PIWIL3: variants seen among roughly 807,000 people sequenced by gnomAD.
The protein encoded by PIWIL3 is piwi-like protein 3.
Under a neutral mutation model 109.7 loss-of-function variants are expected in PIWIL3, and 101 were observed. The observed-to-expected ratio is 0.92, with a 90% CI of 0.78 to 1.09. PIWIL3 has a LOEUF of 1.09. PIWIL3 is among the 50% of genes least tolerant of loss of function. The pLI is 0.00. For synonymous variants in PIWIL3, 373 were observed against 376.4 expected (o/e 0.99, Z 0.10); for missense variants, 1,031 against 1,072.6 (o/e 0.96, Z 0.54).
chr22:24,734,027 T>A (rs1290354764), intron 14 of PIWIL3, 57 bp downstream of exon 14: 11 of 1,540,570 alleles, frequency 7.1e-6, no homozygotes, highest in Non-Finnish European at 9.6e-6. Flanking sequence ...AAAATACTTA[T>A]CAAGATGGTT....
chr22:24,764,078 C>T (rs890765833), intron 1 of PIWIL3, among the ~76,000 whole-genome samples: 5 of 152,214 alleles, frequency 3.3e-5, no homozygotes, highest in African/African-American at 1.2e-4. Context: ...GGGAAATACA[C>T]GGACCAGCCC....
intron 14 of PIWIL3, among the ~76,000 whole-genome samples, chr22:24,730,728 G>A (rs916226130): frequency 1.3e-5 from 2 of 152,120 alleles, no homozygotes; most frequent in East Asian, 3.8e-4. Flanking sequence ...GTTTAGATCG[G>A]ATTAATGCAT....
At chr22:24,772,715 G>A (rs1174122257) in intron 1 of PIWIL3, among the ~76,000 whole-genome samples, 1 of 121,530 alleles carries the variant, frequency 8.2e-6, no homozygotes, top group Non-Finnish European at 1.9e-5. Context: ...TAGAAATGGT[G>A]GTGCTTAGGT....
chr22:24,747,658 A>C (rs1209109117), intron 12 of PIWIL3, among the ~76,000 whole-genome samples: 1 of 152,238 alleles, frequency 6.6e-6, no homozygotes, highest in African/African-American at 2.4e-5. Flanking sequence ...TTCTGAAGAC[A>C]TACAAATAGC....
intron 14 of PIWIL3, among the ~76,000 whole-genome samples, chr22:24,733,327 T>C (rs1338802838): frequency 6.6e-6 from 1 of 151,574 alleles, no homozygotes; most frequent in African/African-American, 2.4e-5. Flanking sequence ...GTAATTCAGA[T>C]ACAACATAAT....
intron 14 of PIWIL3, 87 bp from the exon 15 acceptor site, chr22:24,728,461 G>A: frequency 6.7e-7 from 1 of 1,495,294 alleles, no homozygotes; most frequent in South Asian, 1.2e-5. Context: ...CAACTTAGGT[G>A]GAAGACTAAC....
intron 1 of PIWIL3, among the ~76,000 whole-genome samples, chr22:24,773,601 G>A (rs940839753): frequency 2.0e-5 from 3 of 151,832 alleles, no homozygotes; most frequent in Non-Finnish European, 2.9e-5. Context: ...TTATCATCAC[G>A]TCAGTTTTAA....
At chr22:24,764,140 C>T (rs1260652179) in intron 1 of PIWIL3, among the ~76,000 whole-genome samples, 1 of 152,240 alleles carries the variant, frequency 6.6e-6, no homozygotes, top group Non-Finnish European at 1.5e-5. Context: ...TCGCCCCCGC[C>T]CCAATTCAAT....
At chr22:24,760,215 T>C (rs1049164218) in intron 2 of PIWIL3, among the ~76,000 whole-genome samples, 1 of 152,020 alleles carries the variant, frequency 6.6e-6, no homozygotes, top group East Asian at 1.9e-4. Flanking sequence ...CAGGAATTAC[T>C]GGGAAGGTAG....
chr22:24,755,097 C>G (rs1924945557), intron 6 of PIWIL3, among the ~76,000 whole-genome samples: 1 of 152,194 alleles, frequency 6.6e-6, no homozygotes, highest in Admixed American at 6.5e-5. Flanking sequence ...GTTCTTCATT[C>G]TCAAAACTGA....
chr22:24,771,321 A>G (rs1285200021), intron 1 of PIWIL3, among the ~76,000 whole-genome samples: 1 of 151,432 alleles, frequency 6.6e-6, no homozygotes, highest in Non-Finnish European at 1.5e-5. Context: ...ATAGAAAAAG[A>G]AAAAAAGTTA....
chr22:24,744,195 A>AAAAAAAAAAAAAAAAAAAAAAAAAAC (rs1924204648), intron 12 of PIWIL3, among the ~76,000 whole-genome samples: 1 of 145,894 alleles, frequency 6.9e-6, no homozygotes, highest in African/African-American at 2.6e-5. Flanking sequence ...AAAAAAAAAA[A>AAAAAAAAAAAAAAAAAAAAAAAAAAC]AAAAAAAAAA....
At position 24,756,604 on chromosome 22, in the gene PIWIL3, T is replaced by C. The variant is rs1019088069; in HGVS notation, c.457A>G (p.Ile153Val). The C allele has an allele frequency of 2.5e-6, 4 of 1,613,948 alleles. 1 individual carries two copies. The highest frequency in any genetic ancestry group is 4.5e-5 in the East Asian group (2 of 44,900). The change falls in exon 5 of 21, where the codon ATA becomes GTA. Residue 153 changes from isoleucine (I) to valine (V), a missense_variant. Transcript: ENST00000616349. ...ATTGTACGGAGATTTCCATCTTCTA[T>C]GTCTGGTTTGTAGTCAACGTTGTAT... ...YKYNVDYKPD[I>V]EDGNLRTILL...
chr22:24,767,305 G>A (rs1018805800), intron 1 of PIWIL3, among the ~76,000 whole-genome samples: 5 of 152,118 alleles, frequency 3.3e-5, no homozygotes, highest in South Asian at 4.1e-4. Flanking sequence ...GGAGGCTGAG[G>A]TGGGCGGATA....
At chr22:24,749,888 A>G in intron 9 of PIWIL3, 69 bp from the exon 10 acceptor site, 1 of 1,610,102 alleles carries the variant, frequency 6.2e-7, no homozygotes. Flanking sequence ...CAGAGGTTCA[A>G]AAGTGCATGT....
chr22:24,734,910 T>A (rs901049612), intron 13 of PIWIL3, among the ~76,000 whole-genome samples: 2 of 151,220 alleles, frequency 1.3e-5, no homozygotes, highest in African/African-American at 4.9e-5. Flanking sequence ...GGTAAACTTG[T>A]GCCCTGAGGG....
intron 12 of PIWIL3, among the ~76,000 whole-genome samples, chr22:24,744,664 C>T (rs1270607480): frequency 6.6e-6 from 1 of 152,130 alleles, no homozygotes; most frequent in African/African-American, 2.4e-5. Context: ...CACTATGCAA[C>T]AATAAAGTGG....
In PIWIL3 at chr22:24,753,745, G is replaced by C. The variant is rs546300537; in HGVS notation, c.977+269C>G. Among the ~76,000 whole-genome samples, 429 of 152,296 alleles carry C rather than the reference G, an allele frequency of 2.8e-3. 1 individual carries two copies. The highest frequency in any genetic ancestry group is 3.7e-3 in the Non-Finnish European group (254 of 68,012). On this transcript the variant is annotated intron_variant, in intron 8 of 20. Transcript: ENST00000616349. ...CTAAATGCCCACAAAAGAGCAAAAGGAAAGAAATTCAGAAACAGCTTAGTG... is the reference window on the plus strand; with the variant it reads ...CTAAATGCCCACAAAAGAGCAAAAGCAAAGAAATTCAGAAACAGCTTAGTG...
At chr22:24,749,954 T>C (rs770422102) in intron 9 of PIWIL3, 135 bp from the exon 10 acceptor site, 54 of 1,160,148 alleles carry the variant, frequency 4.7e-5, no homozygotes, top group Non-Finnish European at 6.7e-5. Flanking sequence ...TCCCCAAGTT[T>C]AATAGTGTAC....
Sources: gnomAD v4.1 joint callset for allele counts (sites outside exome capture counted in the v4.1 genomes callset) on GRCh38, gnomAD v4.1.1 for gene constraint, MANE v1.5 for transcripts, NCBI Gene and HGNC (gene_info 2026-07-23, HGNC 2026-07-21) for gene names.